CR1L: variants seen among roughly 807,000 people sequenced by gnomAD.
CR1L encodes complement component receptor 1-like protein.
A neutral mutation model predicts 62.3 loss-of-function variants in CR1L; 59 were observed. The observed-to-expected ratio is 0.95, with a 90% CI of 0.77 to 1.18. CR1L has a LOEUF of 1.18. Ranked by LOEUF, CR1L falls within the 50% of genes most tolerant of loss-of-function variation. The pLI, the probability that CR1L is intolerant of heterozygous loss-of-function variation, is 0.00. For synonymous variants in CR1L, 279 were observed against 248.7 expected (o/e 1.12, Z -1.15); for missense variants, 700 against 702.8 (o/e 1.00, Z 0.04).
At chr1:207,710,583 C>T in intron 10 of CR1L, 1 of 1,610,176 alleles carries the variant, frequency 6.2e-7, no homozygotes, top group Non-Finnish European at 8.5e-7. Context: ...GGCCCAGTCC[C>T]TCAGTGCATT....
In CR1L at chr1:207,701,579, T is replaced by A; in HGVS notation, c.1289T>A (p.Ile430Asn). 2 of 1,613,812 alleles carry A rather than the reference T, an allele frequency of 1.2e-6. No individual in the cohort carries two copies. Among genetic ancestry groups the A allele is most frequent in the Non-Finnish European group, 1.7e-6 (2 of 1,179,748 alleles). Residue 430 changes from isoleucine to asparagine, a missense_variant, in exon 9 of 12, where the codon ATC becomes AAC. Ile to Asn is a moderately radical substitution (Grantham distance 149, BLOSUM62 -3). Transcript: ENST00000508064. ...VNGMVHVITD[I>N]HVGSRINYSC... is the part of the protein sequence containing the mutation. The stretch of plus-strand genomic sequence containing the variant: ...GGCATGGTGCATGTGATCACAGACA[T>A]CCATGTTGGATCCAGAATCAACTAT...
intron 4 of CR1L, among the ~76,000 whole-genome samples, 180 bp from the exon 5 acceptor site, chr1:207,694,173 A>G (rs1182329371): frequency 1.3e-5 from 2 of 152,240 alleles, no homozygotes; most frequent in Non-Finnish European, 2.9e-5. Flanking sequence ...AGGAAATCAT[A>G]TAAGTAAGAA....
At chr1:207,695,532 G>T (rs1336911765) in intron 5 of CR1L, among the ~76,000 whole-genome samples, 3 of 152,160 alleles carry the variant, frequency 2.0e-5, no homozygotes, top group African/African-American at 4.8e-5. Context: ...CGACTCCAGA[G>T]ACTTGGCTTT....
chr1:207,651,701 C>T (rs1399606079), intron 1 of CR1L, among the ~76,000 whole-genome samples: 3 of 151,726 alleles, frequency 2.0e-5, no homozygotes, highest in Non-Finnish European at 2.9e-5. Flanking sequence ...AATTCTAAAA[C>T]CACAGCAATA....
chr1:207,682,639 A>C (rs1663818333), intron 3 of CR1L, among the ~76,000 whole-genome samples: 1 of 152,186 alleles, frequency 6.6e-6, no homozygotes, highest in Non-Finnish European at 1.5e-5. Context: ...TTATGCTGCC[A>C]GGTTTTCCTA....
At chr1:207,683,532 C>G (rs1663841406) in intron 3 of CR1L, among the ~76,000 whole-genome samples, 1 of 152,150 alleles carries the variant, frequency 6.6e-6, no homozygotes, top group Non-Finnish European at 1.5e-5. Context: ...TACATACACA[C>G]ATACATATGT....
intron 4 of CR1L, among the ~76,000 whole-genome samples, chr1:207,690,578 G>A (rs2102466182): frequency 6.6e-6 from 1 of 152,316 alleles, no homozygotes; most frequent in South Asian, 2.1e-4. Flanking sequence ...TGTTCTCTCA[G>A]TTATGGAGAA....
chr1:207,708,201 CT>C lies in CR1L; in HGVS notation c.1353del (p.Ala452LeufsTer14). The C allele has an allele frequency of 6.2e-7, 1 of 1,611,460 alleles. No individual in the cohort carries two copies. The highest frequency in any genetic ancestry group is 8.5e-7 in the Non-Finnish European group (1 of 1,179,460). On this transcript the variant is annotated frameshift_variant, in exon 10 of 12. Transcript: ENST00000508064. LOFTEE classifies it high-confidence loss of function. Reference protein sequence around the residue: ...TTGHRLIGHSSAECILSGNTA... With the variant: ...TTGHRLIGHSXAECILSGNTA... ...AGGCACCGACTCATTGGTCACTCATCTGCTGAATGTATCCTCTCGGGCAATA... is the reference window on the plus strand; with the variant it reads ...AGGCACCGACTCATTGGTCACTCATCGCTGAATGTATCCTCTCGGGCAATA...
rs1011034238 is a variant in CR1L at position 207,697,418 on chromosome 1, G to C, written c.863-85G>C. Reference sequence around the variant, plus strand: ...TACCTTTTTTGTTACATATAGATTTGTAATTATTATTCCCTTGGCCAGTTT... The same window carrying C: ...TACCTTTTTTGTTACATATAGATTTCTAATTATTATTCCCTTGGCCAGTTT... On this transcript the variant is annotated intron_variant, in intron 5 of 11. Coordinates refer to ENST00000508064, the MANE Select transcript of CR1L (RefSeq NM_175710.2). 6.8e-6 allele frequency: 11 copies of C among 1,609,882 alleles called. No homozygotes were observed. The African/African-American group carries it at 1.2e-4, about 18-fold the overall frequency.
chr1:207,695,328 C>A (rs996424667), intron 5 of CR1L, among the ~76,000 whole-genome samples: 21 of 152,114 alleles, frequency 1.4e-4, no homozygotes, highest in Non-Finnish European at 2.9e-5. Flanking sequence ...TCGAATCTCA[C>A]CATGTTTCCC....
At chr1:207,719,603 C>T (rs1654086791) in intron 11 of CR1L, among the ~76,000 whole-genome samples, 1 of 152,014 alleles carries the variant, frequency 6.6e-6, no homozygotes, top group Non-Finnish European at 1.5e-5. Flanking sequence ...TGCCTGTAGT[C>T]ACAGCTTCTT....
chr1:207,670,395 T>C (rs1275304598), intron 1 of CR1L, among the ~76,000 whole-genome samples: 2 of 151,172 alleles, frequency 1.3e-5, no homozygotes, highest in Non-Finnish European at 2.9e-5. Context: ...AAATAAAGCC[T>C]ATTATAACTA....
intron 1 of CR1L, among the ~76,000 whole-genome samples, chr1:207,673,799 G>A (rs1663649006): frequency 6.6e-6 from 1 of 152,108 alleles, no homozygotes; most frequent in Non-Finnish European, 1.5e-5. Flanking sequence ...ATATTACTCA[G>A]CATTTTACTC....
In CR1L at chr1:207,690,845, C is replaced by T. The variant is rs1318059336; in HGVS notation, c.464-3508C>T. Among the ~76,000 whole-genome samples the T allele has an allele frequency of 2.6e-5, 4 of 152,196 alleles. 1 individual carries two copies. Among genetic ancestry groups the T allele is most frequent in the Admixed American group, 6.5e-5 (1 of 15,270 alleles). ...TCGTTTTCCGCCTCCATCTTCAAGTCGCCTTCTCCTCTGTGTGTGTCCTTT... is the reference window on the plus strand; with the variant it reads ...TCGTTTTCCGCCTCCATCTTCAAGTTGCCTTCTCCTCTGTGTGTGTCCTTT... On this transcript the variant is annotated intron_variant, in intron 4 of 11. Transcript: ENST00000508064.
chr1:207,685,263 A>G (rs1475654116), intron 4 of CR1L, among the ~76,000 whole-genome samples: 1 of 152,232 alleles, frequency 6.6e-6, no homozygotes, highest in African/African-American at 2.4e-5. Flanking sequence ...TTTACAATAC[A>G]TGCTTTTGAC....
chr1:207,676,600 A>T (rs569467152), intron 1 of CR1L, among the ~76,000 whole-genome samples: 1 of 152,310 alleles, frequency 6.6e-6, no homozygotes, highest in East Asian at 1.9e-4. Flanking sequence ...AACGAGTCTC[A>T]GGTGCCAAAA....
rs191726766 is a variant in CR1L at position 207,652,616 on chromosome 1, T to G, written c.97+7286T>G. 74 of 1,458,098 alleles carry G rather than the reference T, an allele frequency of 5.1e-5. No homozygotes were observed. The Admixed American group carries it at 6.9e-4, about 14-fold the overall frequency. 90.3% of individuals were successfully genotyped at this position (1,458,098 alleles called of 1,614,324 possible). ...GGTAAACCAAAACCCTACTATGAGA[T>G]TGGGGAACAAGTAGATTATAAGTGT... On this transcript the variant is annotated intron_variant, in intron 1 of 11. Transcript: ENST00000508064.
At chr1:207,708,879 A>G (rs1664310411) in intron 10 of CR1L, 20 of 403,982 alleles carry the variant, frequency 5.0e-5, no homozygotes, top group South Asian at 3.7e-4. Flanking sequence ...GTAGAAGGGC[A>G]ATATACTGGC....
chr1:207,701,411 A>G, intron 8 of CR1L, 108 bp from the exon 9 acceptor site: 1 of 1,412,300 alleles, frequency 7.1e-7, no homozygotes, highest in Non-Finnish European at 9.9e-7. Flanking sequence ...CTGTGGAACT[A>G]TCAGAACTGC....
Sources: allele counts gnomAD v4.1 joint callset (sites outside exome capture counted in the v4.1 genomes callset), GRCh38; gene constraint gnomAD v4.1.1; transcripts MANE v1.5; gene names NCBI Gene and HGNC (gene_info 2026-07-23, HGNC 2026-07-21).